Variants in CACNA1E observed in about 807,000 individuals in gnomAD.
CACNA1E encodes the protein voltage-dependent R-type calcium channel subunit alpha-1E.
A neutral mutation model predicts 259.2 loss-of-function variants in CACNA1E; 40 were observed. That is an observed-to-expected ratio of 0.15 (90% CI 0.12 to 0.20). CACNA1E has a LOEUF of 0.20. Ranked by LOEUF, CACNA1E falls within the 10% of genes least tolerant of loss-of-function variation. The probability of loss-of-function intolerance (pLI) is 1.00; values close to 1 mark genes in which losing one functional copy is unlikely to be tolerated. For missense variants in CACNA1E, 1,874 were observed against 3,040.1 expected, an observed-to-expected ratio of 0.62 and a Z score of 9.02; for synonymous variants, 1,104 against 1,138.5, an observed-to-expected ratio of 0.97 and a Z score of 0.61.
intron 2 of CACNA1E, among the ~76,000 whole-genome samples, chr1:181,448,660 C>T (rs1241762594): frequency 1.3e-5 from 2 of 152,230 alleles, no homozygotes; most frequent in Non-Finnish European, 2.9e-5. Flanking sequence ...ATTACCACAA[C>T]CTGGGAAAAG....
chr1:181,725,919 C>T (rs780792841), intron 17 of CACNA1E, 146 bp from the exon 18 acceptor site: 1 of 573,690 alleles, frequency 1.7e-6, no homozygotes, highest in Non-Finnish European at 3.1e-6. Flanking sequence ...TCTGAGCCAA[C>T]CTAACATCTC....
chr1:181,715,870 C>T (rs754819492), intron 9 of CACNA1E, among the ~76,000 whole-genome samples, 170 bp from the exon 10 acceptor site: 20 of 152,256 alleles, frequency 1.3e-4, no homozygotes, highest in Admixed American at 4.6e-4. Context: ...ATTTGCGGTC[C>T]GGTAGACATC....
chr1:181,425,171 C>T (rs1014513849), intron 2 of CACNA1E, among the ~76,000 whole-genome samples: 4 of 152,132 alleles, frequency 2.6e-5, no homozygotes, highest in South Asian at 2.1e-4. Context: ...GGATGCTTTC[C>T]GCTGTGTAGC....
At chr1:181,333,258 G>A (rs996468072) in intron 1 of CACNA1E, among the ~76,000 whole-genome samples, 6 of 152,136 alleles carry the variant, frequency 3.9e-5, no homozygotes, top group Non-Finnish European at 7.3e-5. Flanking sequence ...CCCCTCACAA[G>A]CCTCAGCCTT....
intron 18 of CACNA1E, among the ~76,000 whole-genome samples, chr1:181,727,338 G>A (rs1655005422): frequency 6.6e-6 from 1 of 152,226 alleles, no homozygotes. Flanking sequence ...CTGGAAACCT[G>A]TGAAGGAAAA....
chr1:181,614,092 C>T (rs1654996063), intron 6 of CACNA1E, among the ~76,000 whole-genome samples: 1 of 152,178 alleles, frequency 6.6e-6, no homozygotes, highest in Non-Finnish European at 1.5e-5. Context: ...AGCAATCCTG[C>T]ACCCATGTAA....
intron 46 of CACNA1E, 119 bp from the exon 47 acceptor site, chr1:181,796,547 CAT>C (rs1661822446): frequency 4.7e-6 from 3 of 635,482 alleles, no homozygotes; most frequent in East Asian, 2.9e-5. Context: ...GGGACACAAA[CAT>C]GTGGTTCCTC....
At chr1:181,686,562 C>T (rs150269974) in intron 7 of CACNA1E, among the ~76,000 whole-genome samples, 9 of 152,268 alleles carry the variant, frequency 5.9e-5, no homozygotes, top group African/African-American at 9.6e-5. Context: ...GCTGGGATTA[C>T]AGGTGTGAGC....
chr1:181,662,401 T>A (rs952637810), intron 7 of CACNA1E, among the ~76,000 whole-genome samples: 10 of 152,092 alleles, frequency 6.6e-5, no homozygotes, highest in African/African-American at 1.9e-4. Context: ...CTGGGGTGCT[T>A]TTTCCTCCAT....
Position 181,485,136 on chromosome 1 carries a change from G to A in CACNA1E, c.266+1126G>A, listed in dbSNP as rs1663683125. 6.6e-6 allele frequency among the ~76,000 whole-genome samples: 1 copy of A among 152,218 alleles called. No homozygotes were observed. Among genetic ancestry groups the A allele is most frequent in the South Asian group, 2.1e-4 (1 of 4,838 alleles). The stretch of plus-strand genomic sequence containing the variant: ...TATGGGGATGGGGTTGGAGACATGG[G>A]ACTTTGGGAGGGAGATTTGGGAGGG... On this transcript the variant is annotated intron_variant, in intron 1 of 47. Transcript: ENST00000367573. The surrounding 1 kb of genome is among the most constrained non-coding windows in gnomAD (Gnocchi z 4.2).
At chr1:181,665,794 T>C (rs1648166004) in intron 7 of CACNA1E, among the ~76,000 whole-genome samples, 1 of 152,140 alleles carries the variant, frequency 6.6e-6, no homozygotes, top group Non-Finnish European at 1.5e-5. Flanking sequence ...ATGGCTTTGC[T>C]AAGAGACAGA....
chr1:181,493,467 T>C (rs1436952715), intron 1 of CACNA1E, among the ~76,000 whole-genome samples: 1 of 152,324 alleles, frequency 6.6e-6, no homozygotes, highest in East Asian at 1.9e-4. Context: ...GACAGGGTGC[T>C]CTTCTGTTGT....
At chr1:181,629,239 A>C (rs752230188) in intron 6 of CACNA1E, among the ~76,000 whole-genome samples, 3 of 152,194 alleles carry the variant, frequency 2.0e-5, no homozygotes, top group Non-Finnish European at 4.4e-5. Flanking sequence ...TTTCAGTCTC[A>C]GGACAAGCAG....
chr1:181,580,596 T>A lies in CACNA1E; in HGVS notation c.771T>A (p.Gly257=). The A allele has an allele frequency of 6.2e-7, 1 of 1,613,876 alleles. No homozygotes were observed. Among genetic ancestry groups the A allele is most frequent in the Non-Finnish European group, 8.5e-7 (1 of 1,179,726 alleles). The part of the protein sequence containing the change: ...LHRACFMNNS[G]ILEGFDPPHP... ...CCTACCCTCCAAATGTGTCTGCAGG[T>A]ATTCTAGAAGGATTTGACCCCCCTC... is the stretch of plus-strand genomic sequence containing the variant. The change falls in exon 6 of 48, where the codon GGT becomes GGA. Residue 257 remains glycine, a splice_region_variant and synonymous_variant. Coordinates refer to ENST00000367573, the MANE Select transcript of CACNA1E (RefSeq NM_001205293.3).
At chr1:181,727,435 G>A (rs138523912) in intron 18 of CACNA1E, among the ~76,000 whole-genome samples, 26 of 152,334 alleles carry the variant, frequency 1.7e-4, no homozygotes, top group Non-Finnish European at 3.1e-4. Context: ...ACTGCATATG[G>A]CAAAATGAAA....
At chr1:181,409,192 G>A (rs553684383) in intron 1 of CACNA1E, among the ~76,000 whole-genome samples, 1 of 152,296 alleles carries the variant, frequency 6.6e-6, no homozygotes, top group South Asian at 2.1e-4. Context: ...AGATTGTGTG[G>A]CACGCAAAGC....
At chr1:181,470,218 G>T (rs1662414797) in intron 2 of CACNA1E, among the ~76,000 whole-genome samples, 1 of 151,552 alleles carries the variant, frequency 6.6e-6, no homozygotes, top group Non-Finnish European at 1.5e-5. Flanking sequence ...TTATAGATAG[G>T]ATCTCTGTCA....
At chr1:181,640,329 C>T (rs997860694) in intron 6 of CACNA1E, among the ~76,000 whole-genome samples, 23 of 152,282 alleles carry the variant, frequency 1.5e-4, no homozygotes, top group Admixed American at 9.1e-4. Flanking sequence ...ACTGCATCAA[C>T]GCTGATGTAG....
At chr1:181,342,727 G>A (rs1490166234) in intron 1 of CACNA1E, among the ~76,000 whole-genome samples, 4 of 152,144 alleles carry the variant, frequency 2.6e-5, no homozygotes, top group South Asian at 2.1e-4. Context: ...TGCTTACCTC[G>A]AAAGCGTGGA....
Sources: gnomAD v4.1 joint callset for allele counts (sites outside exome capture counted in the v4.1 genomes callset) on GRCh38, gnomAD v4.1.1 for gene constraint, Gnocchi (gnomAD v3.1) non-coding constraint, MANE v1.5 for transcripts, NCBI Gene and HGNC (gene_info 2026-07-23, HGNC 2026-07-21) for gene names.